Variants in ARHGAP21 observed in about 807,000 individuals in gnomAD.
ARHGAP21 encodes the protein rho GTPase-activating protein 21.
ARHGAP21 carries 38 observed loss-of-function variants against 164.6 expected under a neutral mutation model. The ratio of observed to expected loss-of-function variants is 0.23; its 90% confidence interval spans 0.18 to 0.30. The LOEUF (loss-of-function observed/expected upper bound fraction) is 0.30, where lower values mean the gene tolerates loss of function less well. Ranked by LOEUF, ARHGAP21 falls within the 10% of genes least tolerant of loss-of-function variation. The pLI is 1.00. For missense variants in ARHGAP21, 1,822 were observed against 2,370.7 expected, an observed-to-expected ratio of 0.77 and a Z score of 4.81; for synonymous variants, 766 against 857.9, an observed-to-expected ratio of 0.89 and a Z score of 1.87.
At chr10:24,623,732 T>A (rs947120301) in intron 7 of ARHGAP21, among the ~76,000 whole-genome samples, 1 of 152,214 alleles carries the variant, frequency 6.6e-6, no homozygotes, top group Admixed American at 6.5e-5. Context: ...TGGTCAATGA[T>A]GTAGGGCCAC....
intron 2 of ARHGAP21, among the ~76,000 whole-genome samples, chr10:24,692,571 C>T (rs757655381): frequency 1.4e-4 from 22 of 152,236 alleles, no homozygotes; most frequent in Non-Finnish European, 2.6e-4. Flanking sequence ...ATGGCTCACG[C>T]ATATAATCCC....
rs138333602 is a variant in ARHGAP21, at chr10:24,687,735, G to T, written c.64-17338C>A. ...GACAGGAATCACCAAATTAAAAGTC[G>T]AGCTTAAATTTCAGTTCATCTTAGC... is the stretch of plus-strand genomic sequence containing the variant. On this transcript the variant is annotated intron_variant, in intron 2 of 25. Coordinates refer to ENST00000396432, the MANE Select transcript of ARHGAP21 (RefSeq NM_020824.4). Among the ~76,000 whole-genome samples the T allele has an allele frequency of 1.5e-3, 231 of 152,148 alleles. 5 individuals carry two copies. The East Asian group carries it at 0.038, about 25-fold the overall frequency.
chr10:24,656,307 A>C (rs71491197), intron 4 of ARHGAP21, among the ~76,000 whole-genome samples: 1 of 69,808 alleles, frequency 1.4e-5, no homozygotes, highest in South Asian at 6.6e-4. Context: ...GGAGCCCCTC[A>C]GCCTGGCCAG....
intron 19 of ARHGAP21, among the ~76,000 whole-genome samples, chr10:24,595,487 T>C (rs573306590): frequency 5.9e-5 from 9 of 152,308 alleles, no homozygotes; most frequent in African/African-American, 2.2e-4. Context: ...CAGAAGCCAT[T>C]TGACTGGAAA....
At chr10:24,629,797 T>C in intron 7 of ARHGAP21, 199 bp downstream of exon 7, 5 of 641,306 alleles carry the variant, frequency 7.8e-6, no homozygotes, top group Non-Finnish European at 1.5e-5. Flanking sequence ...AACATAACAT[T>C]TCCATGTCAC....
intron 2 of ARHGAP21, among the ~76,000 whole-genome samples, chr10:24,708,041 A>G (rs949282006): frequency 1.1e-4 from 16 of 152,254 alleles, no homozygotes; most frequent in Non-Finnish European, 2.2e-4. Flanking sequence ...ACTACAGTTA[A>G]GTAAAAAAAA....
intron 2 of ARHGAP21, among the ~76,000 whole-genome samples, chr10:24,717,731 T>C (rs1231766385): frequency 6.6e-6 from 1 of 152,066 alleles, no homozygotes; most frequent in African/African-American, 2.4e-5. Context: ...TCAAAGGAAA[T>C]GGGAAGACAG....
At chr10:24,715,993 T>C (rs1029392581) in intron 2 of ARHGAP21, among the ~76,000 whole-genome samples, 10 of 152,178 alleles carry the variant, frequency 6.6e-5, no homozygotes, top group Admixed American at 6.5e-4. Context: ...TGCGTGACAA[T>C]GCAAGGCTCT....
intron 2 of ARHGAP21, among the ~76,000 whole-genome samples, chr10:24,683,387 A>G (rs914063528): frequency 1.3e-5 from 2 of 151,924 alleles, no homozygotes; most frequent in African/African-American, 4.8e-5. Context: ...TATTTTCACT[A>G]TATTTATTTC....
At chr10:24,702,127 CTTTTT>C (rs71798625) in intron 2 of ARHGAP21, among the ~76,000 whole-genome samples, 3,804 of 104,572 alleles carry the variant, frequency 0.036, 157 homozygotes, top group African/African-American at 0.13. Context: ...ACTTCCGGTT[CTTTTT>C]TTTTTTTTTT....
At chr10:24,606,090 C>T (rs1032180579) in intron 11 of ARHGAP21, among the ~76,000 whole-genome samples, 3 of 151,742 alleles carry the variant, frequency 2.0e-5, no homozygotes, top group African/African-American at 7.3e-5. Flanking sequence ...AAATTAATTC[C>T]AGATGAGTCA....
At chr10:24,679,392 G>A (rs1391496534) in intron 2 of ARHGAP21, among the ~76,000 whole-genome samples, 1 of 152,058 alleles carries the variant, frequency 6.6e-6, no homozygotes, top group Non-Finnish European at 1.5e-5. Flanking sequence ...CCATTCATGG[G>A]GCTCCATCCT....
At position 24,619,768 on chromosome 10, in the gene ARHGAP21, G is replaced by A. The variant is rs756534123; in HGVS notation, c.2127C>T (p.Val709=). ...NAGTSDLELP[V]SQRNQDLSLQ... is the part of the protein sequence containing the mutation. ...AACTTAAATCTTGATTCCTTTGACT[G>A]ACAGGTAGTTCTAAATCTGAAGTAC... is the stretch of plus-strand genomic sequence containing the variant. The change falls in exon 9 of 26, where the codon GTC becomes GTT. Residue 709 remains valine, a synonymous_variant. Coordinates refer to ENST00000396432, the MANE Select transcript of ARHGAP21 (RefSeq NM_020824.4). 4 of 1,614,102 alleles carry A rather than the reference G, an allele frequency of 2.5e-6. No homozygotes were observed. Among genetic ancestry groups the A allele is most frequent in the Middle Eastern group, 1.6e-4 (1 of 6,062 alleles).
chr10:24,666,914 G>T, intron 4 of ARHGAP21, 71 bp downstream of exon 4: 1 of 1,077,082 alleles, frequency 9.3e-7, no homozygotes. Flanking sequence ...ATCTCATTTA[G>T]TATCACTTAA....
intron 3 of ARHGAP21, among the ~76,000 whole-genome samples, chr10:24,669,927 A>G (rs1413234942): frequency 6.6e-6 from 1 of 152,234 alleles, no homozygotes; most frequent in Admixed American, 6.5e-5. Flanking sequence ...GATAATAAAC[A>G]GTTACATATT....
intron 11 of ARHGAP21, 132 bp downstream of exon 11, chr10:24,607,367 C>A: frequency 1.3e-6 from 1 of 754,272 alleles, no homozygotes; most frequent in South Asian, 2.0e-5. Flanking sequence ...CCATTAACAA[C>A]TTTATTTATT....
At chr10:24,627,317 A>G (rs1265146767) in intron 7 of ARHGAP21, among the ~76,000 whole-genome samples, 1 of 152,218 alleles carries the variant, frequency 6.6e-6, no homozygotes, top group African/African-American at 2.4e-5. Flanking sequence ...CTTTAAAAGC[A>G]TATATTTTGA....
In ARHGAP21 at chr10:24,607,744, C is replaced by CCGTGGT. The variant is rs1319136755; in HGVS notation, c.2576_2581dup (p.Asp859_His860dup). On this transcript the variant is annotated inframe_insertion and splice_region_variant. Coordinates refer to ENST00000396432, the MANE Select transcript of ARHGAP21 (RefSeq NM_020824.4). Reference sequence around the variant, plus strand: ...TTTACAAAACCACCCTTTAGACGTACCGTGGTCATGTGAGAGCTGACGGCG... The same window carrying CCGTGGT: ...TTTACAAAACCACCCTTTAGACGTACCGTGGTCGTGGTCATGTGAGAGCTGACGGCG... 4 of 1,613,536 alleles carry CCGTGGT rather than the reference C, an allele frequency of 2.5e-6. No homozygotes were observed. The highest frequency in any genetic ancestry group is 3.4e-6 in the Non-Finnish European group (4 of 1,179,800).
chr10:24,592,292 G>A (rs2076369307), intron 21 of ARHGAP21, among the ~76,000 whole-genome samples: 2 of 151,548 alleles, frequency 1.3e-5, no homozygotes, highest in South Asian at 4.2e-4. Flanking sequence ...CGAAATCGTG[G>A]ACTCAAGCAG....
Sources: gnomAD v4.1 joint callset for allele counts (sites outside exome capture counted in the v4.1 genomes callset) on GRCh38, gnomAD v4.1.1 for gene constraint, MANE v1.5 for transcripts, NCBI Gene and HGNC (gene_info 2026-07-23, HGNC 2026-07-21) for gene names.